The following UBR4 variants were observed in gnomAD, a reference collection of about 807,000 sequenced individuals.
The protein encoded by UBR4 is E3 ubiquitin-protein ligase UBR4.
UBR4 carries 124 observed loss-of-function variants against 575.6 expected under a neutral mutation model. The ratio of observed to expected loss-of-function variants is 0.22; its 90% CI spans 0.19 to 0.25. The LOEUF is 0.25. UBR4 is among the 10% of genes least tolerant of loss of function. The pLI is 1.00. For missense variants in UBR4, 4,818 were observed against 6,478.8 expected (o/e 0.74, Z 8.80); for synonymous variants, 2,455 against 2,473.7 (o/e 0.99, Z 0.22).
chr1:19,177,475 A>G lies in UBR4; in HGVS notation c.2623T>C (p.Tyr875His). The G allele has an allele frequency of 6.2e-7, 1 of 1,614,128 alleles. No individual in the cohort carries two copies. The highest frequency in any genetic ancestry group is 8.5e-7 in the Non-Finnish European group (1 of 1,179,946). The change falls in exon 19 of 106, where the codon TAT becomes CAT. Residue 875 changes from tyrosine (Y) to histidine (H), a missense_variant. By Grantham distance (83) the Tyr-to-His change is moderately conservative. Coordinates refer to ENST00000375254, the MANE Select transcript of UBR4 (RefSeq NM_020765.3). ...TTGGTCTGTACCTGCTCAAATAGAT[A>G]CACAGGGGCTTTGGAGTACTGATGA... ...LLHQYSKAPV[Y>H]LFEQVQHNLL...
chr1:19,162,085 T>C (rs2087471064), intron 35 of UBR4, among the ~76,000 whole-genome samples, 188 bp from the exon 36 acceptor site: 1 of 152,228 alleles, frequency 6.6e-6, no homozygotes, highest in South Asian at 2.1e-4. Context: ...AGTGAGATCT[T>C]AGGGGTTTGT....
intron 89 of UBR4, 25 bp from the exon 90 acceptor site, chr1:19,099,702 G>A (rs1039995590): frequency 1.6e-5 from 25 of 1,601,154 alleles, no homozygotes; most frequent in Admixed American, 3.4e-5. Context: ...AGGTGAAGCT[G>A]TTGTTCCAAA....
chr1:19,180,282 G>A (rs572660898), intron 17 of UBR4, among the ~76,000 whole-genome samples: 5 of 152,020 alleles, frequency 3.3e-5, no homozygotes, highest in East Asian at 3.9e-4. Flanking sequence ...TCCACCTCCC[G>A]GATTCAAGCA....
intron 102 of UBR4, 144 bp downstream of exon 102, chr1:19,084,360 C>T (rs1187454126): frequency 1.3e-6 from 1 of 765,308 alleles, no homozygotes; most frequent in Non-Finnish European, 2.0e-6. Context: ...AGATGAGCAT[C>T]CCCACCTCGG....
chr1:19,132,605 T>TAAAAAAAAAAAAAAAAAAAAAA, intron 60 of UBR4, among the ~76,000 whole-genome samples: 28 of 24,074 alleles, frequency 1.2e-3, no homozygotes, highest in Admixed American at 2.5e-3. Context: ...TAAAAAATGG[T>TAAAAAAAAAAAAAAAAAAAAAA]AAAAAAAAAA....
intron 87 of UBR4, among the ~76,000 whole-genome samples, chr1:19,103,144 CA>C (rs2078822753): frequency 6.6e-6 from 1 of 152,122 alleles, no homozygotes; most frequent in African/African-American, 2.4e-5. Context: ...TCATAAAACA[CA>C]ACAAGACTTT....
intron 65 of UBR4, 166 bp downstream of exon 65, chr1:19,124,375 T>C: frequency 5.8e-6 from 5 of 862,130 alleles, no homozygotes; most frequent in Non-Finnish European, 6.8e-6. Flanking sequence ...TCTCCCACAG[T>C]TCTACCACAC....
chr1:19,185,967 C>A (rs1344924173), intron 14 of UBR4, among the ~76,000 whole-genome samples: 1 of 152,116 alleles, frequency 6.6e-6, no homozygotes, highest in East Asian at 1.9e-4. Context: ...TTATACTTGC[C>A]TTATCAACCA....
Position 19,119,242 on chromosome 1 carries a change from C to T in UBR4, c.10456-285G>A, listed in dbSNP as rs369276944. On this transcript the variant is annotated intron_variant, in intron 70 of 105. Transcript: ENST00000375254. ...TAAAATGGTTAGCTAATTGCAGAAA[C>T]ATTTTCTGGTATGTATAATCAGGGC... Among the ~76,000 whole-genome samples, 31 of 152,220 alleles carry T rather than the reference C, an allele frequency of 2.0e-4. No individual in the cohort carries two copies. In the East Asian group the frequency reaches 5.0e-3, roughly 25 times the overall value.
rs370822877 is a variant in UBR4, at chr1:19,144,754, T to C, written c.8067+32A>G. On this transcript the variant is annotated intron_variant, in intron 54 of 105. Transcript: ENST00000375254. ...AATTTTCCAGATATTCCCTGGCTGC[T>C]GCGAGCTCTCTGGGATTGTAATGCT... 7 of 1,585,606 alleles carry C rather than the reference T, an allele frequency of 4.4e-6. No homozygotes were observed. The African/African-American group carries it at 9.5e-5, about 21-fold the overall frequency.
intron 60 of UBR4, among the ~76,000 whole-genome samples, chr1:19,130,019 CAAAAT>C (rs1321275405): frequency 6.6e-6 from 1 of 151,722 alleles, no homozygotes; most frequent in Non-Finnish European, 1.5e-5. Flanking sequence ...TTCTTAAAAA[CAAAAT>C]GTTTTTAAAT....
chr1:19,105,648 A>G, intron 84 of UBR4, 85 bp downstream of exon 84: 3 of 1,059,152 alleles, frequency 2.8e-6, no homozygotes, highest in Middle Eastern at 4.2e-4. Flanking sequence ...GCCTCTCATT[A>G]CCCTGATCCA....
intron 13 of UBR4, among the ~76,000 whole-genome samples, 182 bp from the exon 14 acceptor site, chr1:19,186,839 CAAGA>C (rs1321951001): frequency 2.0e-5 from 3 of 152,070 alleles, no homozygotes; most frequent in Non-Finnish European, 4.4e-5. Context: ...GAGACGTGGA[CAAGA>C]ATTGAAAACA....
chr1:19,118,416 AC>A (rs1294258514), intron 71 of UBR4: 16 of 151,840 alleles, frequency 1.1e-4, no homozygotes, highest in Non-Finnish European at 1.4e-4. Flanking sequence ...GAAACTAAAG[AC>A]CTTTTTTTTT....
Position 19,155,056 on chromosome 1 carries a change from G to T in UBR4, c.6320C>A (p.Ala2107Glu). The change falls in exon 44 of 106, where the codon GCG (alanine) becomes GAG (glutamate). Residue 2107 changes from alanine to glutamate, a missense_variant. Ala to Glu is a moderately radical substitution (Grantham distance 107). Transcript: ENST00000375254. ...EDLKDSNSQV[A>E]GGGVSVYYSH... is the part of the protein sequence containing the mutation. ...GTAGTACACGGACACACCACCGCCC[G>T]CCACCTGGCTGTTACTGTCCTGCTG... is the stretch of plus-strand genomic sequence containing the variant. 1 of 1,613,894 alleles carries T rather than the reference G, an allele frequency of 6.2e-7. No homozygotes were observed. Among genetic ancestry groups the T allele is most frequent in the Non-Finnish European group, 8.5e-7 (1 of 1,179,962 alleles).
At chr1:19,165,107 A>C in intron 31 of UBR4, 110 bp from the exon 32 acceptor site, 6 of 1,523,414 alleles carry the variant, frequency 3.9e-6, no homozygotes, top group Non-Finnish European at 5.4e-6. Flanking sequence ...GCAAGTTTTC[A>C]ACTTCCTTCC....
rs533890455 is a variant in UBR4, at chr1:19,160,266, C to G, written c.5422G>C (p.Ala1808Pro). ...ELQNQANFSF[A>P]PLVLDMLNFL... is the part of the protein sequence containing the mutation. Reference sequence around the variant, plus strand: ...TTAAGCATGTCTAACACGAGAGGAGCGAAGGAGAAATTGGCCTGAGAAAAA... The same window carrying G: ...TTAAGCATGTCTAACACGAGAGGAGGGAAGGAGAAATTGGCCTGAGAAAAA... The change falls in exon 39 of 106, where the codon GCT (alanine) becomes CCT (proline). Residue 1808 changes from alanine to proline, a missense_variant. By Grantham distance (27) the Ala-to-Pro change is conservative. Around this residue, in one of 29 missense-constraint regions of UBR4, gnomAD observed 159 missense variants for 174.6 expected, o/e 0.91. Coordinates refer to ENST00000375254, the MANE Select transcript of UBR4 (RefSeq NM_020765.3). 1 of 1,597,256 alleles carries G rather than the reference C, an allele frequency of 6.3e-7. No individual in the cohort carries two copies. Among genetic ancestry groups the G allele is most frequent in the Non-Finnish European group, 8.5e-7 (1 of 1,173,708 alleles).
At position 19,112,853 on chromosome 1, in the gene UBR4, C is replaced by G; in HGVS notation, c.11472G>C (p.Ser3824=). ...LSKIIQKVFA[S]RKELLEYDLQ... ...GGTCATATTCCAACAACTCTTTGCG[C>G]GAAGCAAAGACTTTCTAAGAACAAA... The change falls in exon 78 of 106, where the codon TCG becomes TCC. Residue 3824 remains serine, a synonymous_variant. Transcript: ENST00000375254. The G allele has an allele frequency of 6.3e-7, 1 of 1,580,540 alleles. No homozygotes were observed. Among genetic ancestry groups the G allele is most frequent in the South Asian group, 1.1e-5 (1 of 87,382 alleles).
chr1:19,164,226 C>CTTCATCAT (rs770887958), intron 33 of UBR4, 27 bp downstream of exon 33: 10 of 1,600,080 alleles, frequency 6.2e-6, no homozygotes, highest in Non-Finnish European at 1.7e-6. Context: ...AATGTTGTAA[C>CTTCATCAT]CTACAGATAC....
Sources: gnomAD v4.1 joint callset for allele counts (sites outside exome capture counted in the v4.1 genomes callset) on GRCh38, gnomAD v4.1.1 for gene constraint, gnomAD v4.1.1 regional missense constraint, MANE v1.5 for transcripts, NCBI Gene and HGNC (gene_info 2026-07-23, HGNC 2026-07-21) for gene names.